The following MGRN1 variants were observed in gnomAD, a reference collection of about 807,000 sequenced individuals.
The protein encoded by MGRN1 is E3 ubiquitin-protein ligase MGRN1.
MGRN1 carries 29 observed loss-of-function variants against 69.2 expected under a neutral mutation model. The observed-to-expected ratio is 0.42, with a 90% CI of 0.31 to 0.57. The LOEUF is 0.57. Ranked by LOEUF, MGRN1 falls within the 20% of genes least tolerant of loss-of-function variation. The probability of loss-of-function intolerance (pLI) is 0.15; values close to 1 mark genes in which losing one functional copy is unlikely to be tolerated. For synonymous variants in MGRN1, 470 were observed against 344.2 expected (o/e 1.37, Z -4.04); for missense variants, 998 against 796.2 (o/e 1.25, Z -3.05).
chr16:4,680,141 C>T (rs901507646), intron 12 of MGRN1, 44 bp downstream of exon 12: 8 of 1,583,376 alleles, frequency 5.1e-6, no homozygotes, highest in Non-Finnish European at 6.9e-6. Flanking sequence ...CCCCCGCCCT[C>T]ATTTTTAAAC....
intron 16 of MGRN1, chr16:4,688,497 G>T (rs1056308616): frequency 2.4e-5 from 28 of 1,176,910 alleles, no homozygotes; most frequent in Non-Finnish European, 2.9e-5. Context: ...AAGGGCAGGA[G>T]GCCCAGAGGG....
chr16:4,668,713 C>G (rs995637135), intron 8 of MGRN1, among the ~76,000 whole-genome samples: 1 of 137,062 alleles, frequency 7.3e-6, no homozygotes, highest in Non-Finnish European at 1.5e-5. Flanking sequence ...TACACTCACA[C>G]TCACTCACAT....
At chr16:4,631,785 T>C (rs1898013598) in intron 1 of MGRN1, among the ~76,000 whole-genome samples, 2 of 152,192 alleles carry the variant, frequency 1.3e-5, no homozygotes, top group Admixed American at 6.5e-5. Flanking sequence ...GCAATTTTGA[T>C]AAGTATTACA....
intron 10 of MGRN1, among the ~76,000 whole-genome samples, chr16:4,675,850 G>A (rs373056904): frequency 2.0e-5 from 3 of 152,184 alleles, no homozygotes; most frequent in Non-Finnish European, 4.4e-5. Context: ...GTGAAAAGCC[G>A]CTCGTAGGGC....
Position 4,683,946 on chromosome 16 carries a change from G to C in MGRN1, c.1618+14G>C. 2 of 1,559,478 alleles carry C rather than the reference G, an allele frequency of 1.3e-6. No homozygotes were observed. The highest frequency in any genetic ancestry group is 1.7e-6 in the Non-Finnish European group (2 of 1,150,678). ...TCTACCTGCCAGGTAAGGGGCTGGG[G>C]GTCTGGGGGTGAGGGGCTGGGTGCC... On this transcript the variant is annotated intron_variant, in intron 16 of 16. Transcript: ENST00000262370.
rs559863175 is a variant in MGRN1, at chr16:4,687,557, C to T, written c.1619-1239C>T. ...CCACCCACCCACTCCAGCCTGAGAC[C>T]CTGTCTCAAGAAAAAAAAAATACAC... is the stretch of plus-strand genomic sequence containing the variant. On this transcript the variant is annotated intron_variant, in intron 16 of 16. Coordinates refer to ENST00000262370, the MANE Select transcript of MGRN1 (RefSeq NM_015246.4). 27 of 799,118 alleles carry T rather than the reference C, an allele frequency of 3.4e-5. No homozygotes were observed. The Admixed American group carries it at 1.1e-3, about 32-fold the overall frequency. 49.5% of individuals were successfully genotyped at this position (799,118 alleles called of 1,614,324 possible).
intron 13 of MGRN1, among the ~76,000 whole-genome samples, chr16:4,682,605 G>T (rs796377704): frequency 1.3e-5 from 2 of 152,308 alleles, no homozygotes; most frequent in South Asian, 2.1e-4. Flanking sequence ...CCAGTGTGTC[G>T]GGAGCCCCTC....
At chr16:4,667,337 C>T (rs889196222) in intron 7 of MGRN1, among the ~76,000 whole-genome samples, 1 of 152,234 alleles carries the variant, frequency 6.6e-6, no homozygotes, top group Non-Finnish European at 1.5e-5. Context: ...GAGGCTGGGT[C>T]TGTTCTCTCC....
chr16:4,687,304 C>A (rs1443733619), intron 16 of MGRN1: 2 of 983,644 alleles, frequency 2.0e-6, no homozygotes, highest in Admixed American at 6.2e-5. Flanking sequence ...AAGCCCGGTA[C>A]TTTGGGAGAC....
chr16:4,636,244 C>G (rs1244399020), intron 1 of MGRN1, among the ~76,000 whole-genome samples: 1 of 152,092 alleles, frequency 6.6e-6, no homozygotes, highest in Non-Finnish European at 1.5e-5. Flanking sequence ...CCTGCCTCCC[C>G]CTTCTTCCCT....
chr16:4,635,860 G>A (rs1339110350), intron 1 of MGRN1, among the ~76,000 whole-genome samples: 2 of 149,960 alleles, frequency 1.3e-5, no homozygotes, highest in African/African-American at 5.0e-5. Flanking sequence ...TGTTGGCCAG[G>A]CTGGTCTTGA....
chr16:4,656,731 T>C (rs958009899), intron 4 of MGRN1, among the ~76,000 whole-genome samples: 80 of 151,846 alleles, frequency 5.3e-4, no homozygotes, highest in Non-Finnish European at 2.1e-4. Context: ...AAATAAAATA[T>C]TAGCCTAGCA....
chr16:4,670,189 A>G (rs1422148286), intron 8 of MGRN1, among the ~76,000 whole-genome samples: 1 of 151,996 alleles, frequency 6.6e-6, no homozygotes, highest in Non-Finnish European at 1.5e-5. Flanking sequence ...CAGGCTCCCA[A>G]GTAGCTGGGA....
intron 7 of MGRN1, among the ~76,000 whole-genome samples, chr16:4,666,088 C>T (rs577389147): frequency 1.3e-5 from 2 of 152,230 alleles, no homozygotes; most frequent in South Asian, 2.1e-4. Context: ...CTCGGCCTCC[C>T]AAAGTGCTTG....
chr16:4,686,332 G>A (rs1042756188), intron 16 of MGRN1: 59 of 1,541,198 alleles, frequency 3.8e-5, no homozygotes, highest in Non-Finnish European at 5.1e-5. Context: ...GCGCTTCGGG[G>A]GCTCTGACGC....
chr16:4,643,250 G>A (rs2141856160), intron 1 of MGRN1, among the ~76,000 whole-genome samples: 1 of 152,022 alleles, frequency 6.6e-6, no homozygotes, highest in Non-Finnish European at 1.5e-5. Context: ...ACGAGCCACT[G>A]AGCCTGGACT....
rs539219162 is a variant in MGRN1 at position 4,635,760 on chromosome 16, G to A, written c.88+10712G>A. Among the ~76,000 whole-genome samples the A allele has an allele frequency of 2.9e-3, 435 of 151,434 alleles. 1 individual carries two copies. Among genetic ancestry groups the A allele is most frequent in the South Asian group, 4.0e-3 (19 of 4,786 alleles). ...AGCGACTCTCCCGCCAAAGCCTCCC[G>A]AGTAGCTGGGATTACAGGTGCCCAC... On this transcript the variant is annotated intron_variant, in intron 1 of 16. Transcript: ENST00000262370.
At chr16:4,668,382 C>CATAGACA in intron 8 of MGRN1, 70 bp downstream of exon 8, 1 of 1,524,326 alleles carries the variant, frequency 6.6e-7, no homozygotes. Context: ...CACACGCATA[C>CATAGACA]TCATACATAG....
Position 4,682,946 on chromosome 16 carries a change from G to A in MGRN1, c.1482G>A (p.Glu494=). ...ELALRESSSP[E]SFITEEVDES... Reference sequence around the variant, plus strand: ...CCCTGCGGGAAAGCAGCTCCCCTGAGGTGAGGCCCCCCCGGGGAAGCTTTG... The same window carrying A: ...CCCTGCGGGAAAGCAGCTCCCCTGAAGTGAGGCCCCCCCGGGGAAGCTTTG... The change falls in exon 14 of 17, where the codon GAG becomes GAA. Residue 494 remains glutamate, a splice_region_variant and synonymous_variant. Coordinates refer to ENST00000262370, the MANE Select transcript of MGRN1 (RefSeq NM_015246.4). 6.4e-7 allele frequency: 1 copy of A among 1,566,030 alleles called. No individual in the cohort carries two copies. Among genetic ancestry groups the A allele is most frequent in the Non-Finnish European group, 8.7e-7 (1 of 1,154,210 alleles).
Sources: gnomAD v4.1 joint callset for allele counts (sites outside exome capture counted in the v4.1 genomes callset) on GRCh38, gnomAD v4.1.1 for gene constraint, MANE v1.5 for transcripts, NCBI Gene and HGNC (gene_info 2026-07-23, HGNC 2026-07-21) for gene names.